SOX6: variants seen among roughly 807,000 people sequenced by gnomAD.
SOX6 encodes the protein SRY-box transcription factor 6.
Under a neutral mutation model 97.8 loss-of-function variants are expected in SOX6, and 11 were observed. The observed-to-expected ratio is 0.11, with a 90% confidence interval of 0.07 to 0.19. The LOEUF is 0.19. Among genes scored for constraint, SOX6 ranks in the 10% least tolerant of loss-of-function variants. The pLI is 1.00. For synonymous variants in SOX6, 360 were observed against 371.4 expected, an observed-to-expected ratio of 0.97 and a Z score of 0.35; for missense variants, 810 against 1,039.5, an observed-to-expected ratio of 0.78 and a Z score of 3.04.
chr11:16,555,179 T>C (rs549220594), intron 4 of SOX6, among the ~76,000 whole-genome samples: 1 of 151,988 alleles, frequency 6.6e-6, no homozygotes, highest in South Asian at 2.1e-4. Flanking sequence ...GTGGCCTCAA[T>C]GACACTTAAA....
At chr11:16,243,080 C>T (rs1408856439) in intron 3 of SOX6, among the ~76,000 whole-genome samples, 3 of 151,928 alleles carry the variant, frequency 2.0e-5, no homozygotes, top group Non-Finnish European at 4.4e-5. Flanking sequence ...TTCTACTGTG[C>T]CTACATCAAA....
At chr11:16,675,005 T>C (rs1847874654) in intron 3 of SOX6, among the ~76,000 whole-genome samples, 2 of 152,132 alleles carry the variant, frequency 1.3e-5, no homozygotes, top group Non-Finnish European at 2.9e-5. Context: ...ACTCAAATTA[T>C]CCTTGTCTGC....
chr11:16,418,444 G>A (rs976071923), intron 1 of SOX6, among the ~76,000 whole-genome samples: 2 of 152,078 alleles, frequency 1.3e-5, no homozygotes, highest in African/African-American at 4.8e-5. Context: ...ACAGGGAACT[G>A]TCAACTTGAA....
At chr11:16,035,172 C>T (rs1453808737) in intron 12 of SOX6, among the ~76,000 whole-genome samples, 1 of 152,156 alleles carries the variant, frequency 6.6e-6, no homozygotes, top group African/African-American at 2.4e-5. Context: ...TAATGTGTGA[C>T]CTTCTTTTCA....
intron 6 of SOX6, among the ~76,000 whole-genome samples, chr11:16,116,534 C>T (rs914460222): frequency 6.6e-6 from 1 of 152,136 alleles, no homozygotes; most frequent in Non-Finnish European, 1.5e-5. Flanking sequence ...TGTAGGTTTG[C>T]ATGTGGTTGT....
At chr11:16,063,760 A>AT (rs1848025628) in intron 9 of SOX6, among the ~76,000 whole-genome samples, 1 of 150,526 alleles carries the variant, frequency 6.6e-6, no homozygotes, top group Non-Finnish European at 1.5e-5. Flanking sequence ...ACTGGGCTGG[A>AT]TATTTTACAT....
rs75785827 is a variant in SOX6, at chr11:16,327,024, C to T, written c.238-8371G>A. Among the ~76,000 whole-genome samples, 1,424 of 152,248 alleles carry T rather than the reference C, an allele frequency of 9.4e-3. 24 individuals are homozygous for T. The highest frequency in any genetic ancestry group is 0.032 in the African/African-American group (1,324 of 41,550). On this transcript the variant is annotated intron_variant, in intron 2 of 15. Transcript: ENST00000683767. ...TCAGGATAGTGAAACTTCTTTCTTA[C>T]GTGGTGTCTCAGAGATCCAAAGGTG...
Position 15,970,278 on chromosome 11 carries a change from C to T in SOX6, c.*2531G>A, listed in dbSNP as rs1853262626. The T allele has an allele frequency of 6.6e-6, 1 of 152,310 alleles. No homozygotes were observed. Among genetic ancestry groups the T allele is most frequent in the African/African-American group, 2.4e-5 (1 of 41,346 alleles). 9.4% of individuals were successfully genotyped at this position (152,310 alleles called of 1,614,324 possible). On this transcript the variant is annotated 3_prime_UTR_variant, in exon 16 of 16. Coordinates refer to ENST00000683767, the MANE Select transcript of SOX6 (RefSeq NM_001367873.1). ...ACTATGAGCAAAATCAAGTTTCAGT[C>T]CTAAAGAACAGTCCTTTGTTCTCCA... is the stretch of plus-strand genomic sequence containing the variant.
intron 1 of SOX6, among the ~76,000 whole-genome samples, chr11:16,368,037 C>T (rs1857401610): frequency 1.3e-5 from 2 of 152,050 alleles, no homozygotes; most frequent in Admixed American, 1.3e-4. Flanking sequence ...CACTTAAAGT[C>T]GCGGCTTCCA....
In SOX6 at chr11:15,972,799, C is replaced by T; in HGVS notation, c.*10G>A. On this transcript the variant is annotated 3_prime_UTR_variant, in exon 16 of 16. Coordinates refer to ENST00000683767, the MANE Select transcript of SOX6 (RefSeq NM_001367873.1). ...TGTCAGAGTACTTTAATTCAGCAAA[C>T]AAAAACTCCTCAGTTGGCACTGACA... 6.2e-7 allele frequency: 1 copy of T among 1,614,074 alleles called. No homozygotes were observed. The highest frequency in any genetic ancestry group is 1.3e-5 in the African/African-American group (1 of 75,016).
chr11:16,435,226 AT>A (rs1045983909), intron 1 of SOX6, among the ~76,000 whole-genome samples: 3 of 152,176 alleles, frequency 2.0e-5, no homozygotes, highest in African/African-American at 7.2e-5. Context: ...AAATCACATG[AT>A]TTTAAATGTA....
chr11:16,611,089 C>T (rs763200300), intron 4 of SOX6, among the ~76,000 whole-genome samples: 1 of 152,230 alleles, frequency 6.6e-6, no homozygotes, highest in Non-Finnish European at 1.5e-5. Context: ...CCCTGCGCAC[C>T]GCAACCAGCA....
chr11:16,394,738 T>C (rs117315372), intron 1 of SOX6, among the ~76,000 whole-genome samples: 25 of 151,954 alleles, frequency 1.6e-4, no homozygotes, highest in Admixed American at 4.6e-4. Context: ...ACTAGGTATT[T>C]TTTTCTCAAC....
intron 3 of SOX6, among the ~76,000 whole-genome samples, chr11:16,243,679 G>A (rs557809847): frequency 7.9e-5 from 12 of 151,848 alleles, no homozygotes; most frequent in African/African-American, 2.9e-4. Flanking sequence ...AATCATCCAT[G>A]CTCCTGGACT....
intron 4 of SOX6, among the ~76,000 whole-genome samples, chr11:16,530,880 T>C (rs1269739065): frequency 6.6e-6 from 1 of 150,908 alleles, no homozygotes; most frequent in Admixed American, 6.6e-5. Context: ...ACCAAACTTC[T>C]AATGCCAAAA....
chr11:16,282,916 T>C (rs1590089621), intron 3 of SOX6, among the ~76,000 whole-genome samples: 1 of 149,956 alleles, frequency 6.7e-6, no homozygotes, highest in East Asian at 1.9e-4. Flanking sequence ...TTGCCCAATA[T>C]TTTGGCAAGA....
In SOX6 at chr11:16,481,435, T is replaced by C. The variant is rs901281687; in HGVS notation, n.610-5047A>G. Among the ~76,000 whole-genome samples, 7 of 152,022 alleles carry C rather than the reference T, an allele frequency of 4.6e-5. No homozygotes were observed. In the East Asian group the frequency reaches 1.2e-3, roughly 25 times the overall value. ...TATCAAGGAAGACAACTTAAGATGCTACCTAGTCCACCACTCTGCTGTTCT... is the reference window on the plus strand; with the variant it reads ...TATCAAGGAAGACAACTTAAGATGCCACCTAGTCCACCACTCTGCTGTTCT... On this transcript the variant is annotated intron_variant and non_coding_transcript_variant, in intron 4 of 5. Transcript: ENST00000524520.
intron 4 of SOX6, among the ~76,000 whole-genome samples, chr11:16,211,864 A>G (rs981853774): frequency 6.6e-6 from 1 of 152,208 alleles, no homozygotes; most frequent in Admixed American, 6.6e-5. Context: ...TATGTACCAC[A>G]GTGAAAAATC....
At chr11:16,537,419 T>C (rs1423119343) in intron 4 of SOX6, among the ~76,000 whole-genome samples, 1 of 151,926 alleles carries the variant, frequency 6.6e-6, no homozygotes, top group African/African-American at 2.4e-5. Context: ...CTTCTTCTCC[T>C]CCAAAGGATT....
Sources: allele counts gnomAD v4.1 joint callset (sites outside exome capture counted in the v4.1 genomes callset), GRCh38; gene constraint gnomAD v4.1.1; transcripts MANE v1.5; gene names NCBI Gene and HGNC (gene_info 2026-07-23, HGNC 2026-07-21).